The following PCDHB14 variants were observed in gnomAD, a reference collection of about 807,000 sequenced individuals.
PCDHB14 encodes protocadherin beta-14.
For synonymous variants in PCDHB14, 511 were observed against 441.5 expected (o/e 1.16, Z -1.97); for missense variants, 1,129 against 1,000.5 (o/e 1.13, Z -1.73).
Position 141,223,599 on chromosome 5 carries a change from C to G in PCDHB14, c.94C>G (p.His32Asp), listed in dbSNP as rs1754762999. ...GLSRAGTESA[H>D]YSVAEETEIG... Reference sequence around the variant, plus strand: ...GTCTCGGGCAGGTACTGAATCTGCACACTATTCTGTGGCAGAGGAAACAGA... The same window carrying G: ...GTCTCGGGCAGGTACTGAATCTGCAGACTATTCTGTGGCAGAGGAAACAGA... The change falls in exon 1 of 1, where the codon CAC becomes GAC. Residue 32 changes from histidine to aspartate, a missense_variant. His to Asp is a moderately conservative substitution (Grantham distance 81, BLOSUM62 -1). Transcript: ENST00000239449. The G allele has an allele frequency of 6.2e-7, 1 of 1,613,902 alleles. No individual in the cohort carries two copies. Among genetic ancestry groups the G allele is most frequent in the African/African-American group, 1.3e-5 (1 of 74,898 alleles).
chr5:141,224,122 C>G lies in PCDHB14; in HGVS notation c.617C>G (p.Ala206Gly). 1.2e-6 allele frequency: 2 copies of G among 1,614,066 alleles called. No homozygotes were observed. Among genetic ancestry groups the G allele is most frequent in the Non-Finnish European group, 1.7e-6 (2 of 1,180,028 alleles). The change falls in exon 1 of 1, where the codon GCT becomes GGT. Residue 206 changes from alanine to glycine, a missense_variant. Coordinates refer to ENST00000239449, the MANE Select transcript of PCDHB14 (RefSeq NM_018934.4). Reference protein sequence around the residue: ...LDRALDYEQEAELRLTLTAVD... With the variant: ...LDRALDYEQEGELRLTLTAVD... ...AGAGCTTTAGATTATGAACAGGAAG[C>G]TGAACTCAGATTAACACTCACAGCA...
rs1209055916 is a variant in PCDHB14 at position 141,226,990 on chromosome 5, C to T, written c.*1088C>T. On this transcript the variant is annotated 3_prime_UTR_variant, in exon 1 of 1. Coordinates refer to ENST00000239449, the MANE Select transcript of PCDHB14 (RefSeq NM_018934.4). ...AAACTACAGGCACCCGCCACGATGCCTAGCTAAATTTTTGTATATGTGGTA... is the reference window on the plus strand; with the variant it reads ...AAACTACAGGCACCCGCCACGATGCTTAGCTAAATTTTTGTATATGTGGTA... The T allele has an allele frequency of 6.6e-6, 1 of 152,168 alleles. No homozygotes were observed. The highest frequency in any genetic ancestry group is 1.5e-5 in the Non-Finnish European group (1 of 68,052). 9.4% of individuals were successfully genotyped at this position (152,168 alleles called of 1,614,324 possible). A position where few individuals can be genotyped will look rare whatever the true frequency, so the allele number is the denominator to read the frequency against.
rs1413959568 is a variant in PCDHB14 at position 141,225,054 on chromosome 5, A to C, written c.1549A>C (p.Arg517=). The change falls in exon 1 of 1, where the codon AGG becomes CGG. Residue 517 remains arginine (R), a synonymous_variant. Transcript: ENST00000239449. The part of the protein sequence containing the change: ...NADNGHLFAL[R]SLDYEALQEF... ...GGACAATGGCCACCTGTTTGCCCTC[A>C]GGTCGCTGGACTACGAGGCCCTACA... 1 of 1,612,484 alleles carries C rather than the reference A, an allele frequency of 6.2e-7. No homozygotes were observed. The highest frequency in any genetic ancestry group is 2.2e-5 in the East Asian group (1 of 44,886).
rs1235765541 is a variant in PCDHB14, at chr5:141,227,023, A to T, written c.*1121A>T. 12 of 152,102 alleles carry T rather than the reference A, an allele frequency of 7.9e-5. 1 individual carries two copies. The highest frequency in any genetic ancestry group is 7.9e-4 in the Admixed American group (12 of 15,274). 9.4% of individuals were successfully genotyped at this position (152,102 alleles called of 1,614,324 possible). On this transcript the variant is annotated 3_prime_UTR_variant, in exon 1 of 1. Coordinates refer to ENST00000239449, the MANE Select transcript of PCDHB14 (RefSeq NM_018934.4). The stretch of plus-strand genomic sequence containing the variant: ...ATTTTTGTATATGTGGTAGAGATGG[A>T]GTTTTGCCATGTGGCCCAGGCTAGT...
chr5:141,224,735 CAG>C lies in PCDHB14; in HGVS notation c.1237_1238del (p.Ser413ProfsTer30). ...CTCTAGTTTCTGAAAAAGCACTGGA[CAG>C]AGAGAGCCAAGCCGAGTACAACATC... ...FTLVSEKALD[R>X]ESQAEYNITI... On this transcript the variant is annotated frameshift_variant, in exon 1 of 1. Transcript: ENST00000239449. LOFTEE classifies it low-confidence loss of function (END_TRUNC). 1.2e-6 allele frequency: 2 copies of C among 1,614,144 alleles called. No individual in the cohort carries two copies. Among genetic ancestry groups the C allele is most frequent in the South Asian group, 1.1e-5 (1 of 91,074 alleles).
At position 141,224,420 on chromosome 5, in the gene PCDHB14, A is replaced by C. The variant is rs1040519290; in HGVS notation, c.915A>C (p.Ser305=). 8.1e-6 allele frequency: 13 copies of C among 1,605,766 alleles called. No homozygotes were observed. The highest frequency in any genetic ancestry group is 1.1e-5 in the Non-Finnish European group (13 of 1,176,678). Residue 305 remains serine (S), a synonymous_variant, in exon 1 of 1, where the codon TCA becomes TCC. Coordinates refer to ENST00000239449, the MANE Select transcript of PCDHB14 (RefSeq NM_018934.4). ...TATCTGGGGAAGTTAATTTGAGATCACCCCTGGATTTTGAAGTAATACAGT... is the reference window on the plus strand; with the variant it reads ...TATCTGGGGAAGTTAATTTGAGATCCCCCCTGGATTTTGAAGTAATACAGT... ...NPISGEVNLR[S]PLDFEVIQSY...
In PCDHB14 at chr5:141,225,666, T is replaced by C. The variant is rs1554289555; in HGVS notation, c.2161T>C (p.Ser721Pro). 4 of 1,613,922 alleles carry C rather than the reference T, an allele frequency of 2.5e-6. No individual in the cohort carries two copies. Among genetic ancestry groups the C allele is most frequent in the Middle Eastern group, 3.3e-4 (2 of 6,024 alleles). The change falls in exon 1 of 1, where the codon TCG (serine) becomes CCG (proline). Residue 721 changes from serine to proline, a missense_variant. Ser to Pro is a moderately conservative substitution (Grantham distance 74, BLOSUM62 -1). Coordinates refer to ENST00000239449, the MANE Select transcript of PCDHB14 (RefSeq NM_018934.4). Reference protein sequence around the residue: ...VRLCRRSRAASVGRCSVPEGP... With the variant: ...VRLCRRSRAAPVGRCSVPEGP... ...GCTGTGCAGGAGGAGCAGGGCGGCC[T>C]CGGTGGGTCGCTGCTCGGTGCCCGA...
In PCDHB14 at chr5:141,226,100, AT is replaced by A; in HGVS notation, c.*201del. On this transcript the variant is annotated 3_prime_UTR_variant, in exon 1 of 1. Transcript: ENST00000239449. ...TGTAATCTGTGTTTTCTGGTTTTTC[AT>A]TTATTTGGCCAAAATGTTATATTAA... is the stretch of plus-strand genomic sequence containing the variant. 3.3e-6 allele frequency: 2 copies of A among 607,232 alleles called. No individual in the cohort carries two copies. The highest frequency in any genetic ancestry group is 6.0e-5 in the East Asian group (2 of 33,102). The allele number at this position is 607,232 out of a possible 1,614,324, so 37.6% of individuals were successfully genotyped here.
In PCDHB14 at chr5:141,224,355, G is replaced by A; in HGVS notation, c.850G>A (p.Ala284Thr). 6.2e-7 allele frequency: 1 copy of A among 1,609,818 alleles called. No homozygotes were observed. Among genetic ancestry groups the A allele is most frequent in the South Asian group, 1.1e-5 (1 of 89,988 alleles). Residue 284 changes from alanine (A) to threonine (T), a missense_variant, in exon 1 of 1, where the codon GCA becomes ACA. Coordinates refer to ENST00000239449, the MANE Select transcript of PCDHB14 (RefSeq NM_018934.4). ...AAAAATATCTTACACATTTTTCCAT[G>A]CATCAGAAGATATTCGTAAAACATT... ...YGKISYTFFHASEDIRKTFEI... is the reference protein window; with the variant it reads ...YGKISYTFFHTSEDIRKTFEI...
rs1754792807 is a variant in PCDHB14, at chr5:141,224,500, C to T, written c.995C>T (p.Thr332Ile). 1.2e-6 allele frequency: 2 copies of T among 1,613,516 alleles called. No individual in the cohort carries two copies. The highest frequency in any genetic ancestry group is 1.3e-5 in the African/African-American group (1 of 74,956). ...GGTGGGGGTCTTTCAGGAAAATGCA[C>T]CCTTCTAGTTAAAGTTATGGATATA... ...TDGGGLSGKC[T>I]LLVKVMDIND... The change falls in exon 1 of 1, where the codon ACC becomes ATC. Residue 332 changes from threonine (T) to isoleucine (I), a missense_variant. By Grantham distance (89) the Thr-to-Ile change is moderately conservative (BLOSUM62 -1). Coordinates refer to ENST00000239449, the MANE Select transcript of PCDHB14 (RefSeq NM_018934.4).
At position 141,224,840 on chromosome 5, in the gene PCDHB14, T is replaced by G; in HGVS notation, c.1335T>G (p.Asn445Lys). ...YNITVLLSDV[N>K]DNAPTFTQTS... ...TAACCGTGCTGCTCTCTGACGTCAATGACAACGCCCCCACCTTCACCCAAA... is the reference window on the plus strand; with the variant it reads ...TAACCGTGCTGCTCTCTGACGTCAAGGACAACGCCCCCACCTTCACCCAAA... The change falls in exon 1 of 1, where the codon AAT becomes AAG. Residue 445 changes from asparagine to lysine, a missense_variant. By Grantham distance (94) the Asn-to-Lys change is moderately conservative. Transcript: ENST00000239449. The G allele has an allele frequency of 6.2e-7, 1 of 1,613,914 alleles. No individual in the cohort carries two copies. Among genetic ancestry groups the G allele is most frequent in the African/African-American group, 1.3e-5 (1 of 75,008 alleles).
At position 141,227,633 on chromosome 5, in the gene PCDHB14, G is replaced by T. The variant is rs1257363556; in HGVS notation, c.*1731G>T. The T allele has an allele frequency of 2.0e-5, 3 of 152,138 alleles. No individual in the cohort carries two copies. Among genetic ancestry groups the T allele is most frequent in the Admixed American group, 2.0e-4 (3 of 15,276 alleles). 9.4% of individuals were successfully genotyped at this position (152,138 alleles called of 1,614,324 possible). A position where few individuals can be genotyped will look rare whatever the true frequency, so the allele number is the denominator to read the frequency against. ...TGTGAAATAGGTGAAACAAATTCCA[G>T]TTTCCTTAGATTTCTTCCCTCTACT... On this transcript the variant is annotated 3_prime_UTR_variant, in exon 1 of 1. Coordinates refer to ENST00000239449, the MANE Select transcript of PCDHB14 (RefSeq NM_018934.4).
rs782694952 is a variant in PCDHB14 at position 141,225,554 on chromosome 5, C to A, written c.2049C>A (p.Ala683=). 3.2e-5 allele frequency: 51 copies of A among 1,610,560 alleles called. No individual in the cohort carries two copies. The highest frequency in any genetic ancestry group is 4.1e-5 in the Non-Finnish European group (48 of 1,179,802). The change falls in exon 1 of 1, where the codon GCC becomes GCA. Residue 683 remains alanine, a synonymous_variant. Coordinates refer to ENST00000239449, the MANE Select transcript of PCDHB14 (RefSeq NM_018934.4). ...LPEAAPAQAQ[A]DSLTVYLVVA... ...AGGCGGCCCCGGCCCAGGCCCAGGC[C>A]GACTCCCTCACCGTCTACCTGGTGG...
In PCDHB14 at chr5:141,225,207, G is replaced by C. The variant is rs782131633; in HGVS notation, c.1702G>C (p.Gly568Arg). 1.9e-6 allele frequency: 3 copies of C among 1,606,892 alleles called. No homozygotes were observed. The highest frequency in any genetic ancestry group is 1.7e-5 in the Admixed American group (1 of 59,846). Reference sequence around the variant, plus strand: ...CTTCGTGCTGTACCCGCTGCAGAACGGCTCCGCGCCCTGCACCGAGCTGGT... The same window carrying C: ...CTTCGTGCTGTACCCGCTGCAGAACCGCTCCGCGCCCTGCACCGAGCTGGT... ...SPFVLYPLQN[G>R]SAPCTELVPR... is the part of the protein sequence containing the mutation. The change falls in exon 1 of 1, where the codon GGC becomes CGC. Residue 568 changes from glycine to arginine, a missense_variant. Coordinates refer to ENST00000239449, the MANE Select transcript of PCDHB14 (RefSeq NM_018934.4).
chr5:141,225,287 C>T lies in PCDHB14; in HGVS notation c.1782C>T (p.Gly594=), dbSNP rs201667316. ...YLVTKVVAVD[G]DSGQNAWLSY... Reference sequence around the variant, plus strand: ...TGACCAAGGTGGTGGCGGTGGACGGCGACTCGGGCCAGAACGCCTGGCTGT... The same window carrying T: ...TGACCAAGGTGGTGGCGGTGGACGGTGACTCGGGCCAGAACGCCTGGCTGT... Residue 594 remains glycine, a synonymous_variant, in exon 1 of 1, where the codon GGC becomes GGT. Transcript: ENST00000239449. The T allele has an allele frequency of 5.9e-5, 95 of 1,597,174 alleles. No individual in the cohort carries two copies. Among genetic ancestry groups the T allele is most frequent in the East Asian group, 1.1e-4 (5 of 44,736 alleles).
rs781943002 is a variant in PCDHB14, at chr5:141,225,488, C to T, written c.1983C>T (p.Leu661=). 15 of 1,606,312 alleles carry T rather than the reference C, an allele frequency of 9.3e-6. No homozygotes were observed. In the East Asian group the frequency reaches 2.0e-4, roughly 21 times the overall value. The change falls in exon 1 of 1, where the codon CTC becomes CTT. Residue 661 remains leucine, a synonymous_variant. Coordinates refer to ENST00000239449, the MANE Select transcript of PCDHB14 (RefSeq NM_018934.4). The part of the protein sequence containing the change: ...PRSATATLHV[L]LVDGFSQPYL... ...CGGCCACCGCCACGCTGCACGTGCT[C>T]CTGGTGGACGGCTTCTCCCAGCCCT...
chr5:141,224,165 G>A lies in PCDHB14; in HGVS notation c.660G>A (p.Pro220=). 3 of 1,613,996 alleles carry A rather than the reference G, an allele frequency of 1.9e-6. No homozygotes were observed. The highest frequency in any genetic ancestry group is 1.7e-6 in the Non-Finnish European group (2 of 1,180,032). The part of the protein sequence containing the change: ...LTLTAVDGGS[P]PKSGTTLVLI... ...TCACAGCAGTGGATGGTGGATCCCC[G>A]CCCAAGTCTGGGACAACTTTGGTTC... Residue 220 remains proline, a synonymous_variant, in exon 1 of 1, where the codon CCG becomes CCA. Transcript: ENST00000239449.
chr5:141,225,816 A>T lies in PCDHB14; in HGVS notation c.2311A>T (p.Ile771Phe). Residue 771 changes from isoleucine (I) to phenylalanine (F), a missense_variant, in exon 1 of 1, where the codon ATC becomes TTC. Ile to Phe is a conservative substitution (Grantham distance 21, BLOSUM62 0). Coordinates refer to ENST00000239449, the MANE Select transcript of PCDHB14 (RefSeq NM_018934.4). The part of the protein sequence containing the change: ...TNEFKFLKPI[I>F]PNFQVHDTGR... The stretch of plus-strand genomic sequence containing the variant: ...TGAGTTCAAATTTCTGAAGCCGATT[A>T]TCCCCAATTTTCAAGTTCATGACAC... 2 of 1,614,214 alleles carry T rather than the reference A, an allele frequency of 1.2e-6. No individual in the cohort carries two copies.
rs781917835 is a variant in PCDHB14, at chr5:141,224,476, G to C, written c.971G>C (p.Gly324Ala). ...ACTATAAATATTCAGGCAACAGATG[G>C]TGGGGGTCTTTCAGGAAAATGCACC... Reference protein sequence around the residue: ...SYTINIQATDGGGLSGKCTLL... With the variant: ...SYTINIQATDAGGLSGKCTLL... The change falls in exon 1 of 1, where the codon GGT becomes GCT. Residue 324 changes from glycine to alanine, a missense_variant. Physicochemically the swap from Gly to Ala is moderately conservative, Grantham distance 60 (BLOSUM62 0). Transcript: ENST00000239449. 6.2e-7 allele frequency: 1 copy of C among 1,613,330 alleles called. No individual in the cohort carries two copies. Among genetic ancestry groups the C allele is most frequent in the Non-Finnish European group, 8.5e-7 (1 of 1,179,726 alleles).
Sources: gnomAD v4.1 joint callset for allele counts on GRCh38, gnomAD v4.1.1 for gene constraint, MANE v1.5 for transcripts, NCBI Gene and HGNC (gene_info 2026-07-23, HGNC 2026-07-21) for gene names.